BACH2: variants seen among roughly 807,000 people sequenced by gnomAD.
BACH2 encodes transcription regulator protein BACH2.
Under a neutral mutation model 61.8 loss-of-function variants are expected in BACH2, and 5 were observed. That is an observed-to-expected ratio of 0.08 (90% CI 0.04 to 0.17). BACH2 has a LOEUF of 0.17. Among genes scored for constraint, BACH2 ranks in the 10% least tolerant of loss-of-function variants. The pLI is 1.00. For synonymous variants in BACH2, 446 were observed against 440.1 expected (o/e 1.01, Z -0.17); for missense variants, 824 against 1,091.1 (o/e 0.76, Z 3.45).
At chr6:90,293,150 T>A (rs1010819045) in intron 1 of BACH2, among the ~76,000 whole-genome samples, 4 of 152,250 alleles carry the variant, frequency 2.6e-5, no homozygotes, top group Admixed American at 2.0e-4. Flanking sequence ...AGGGGGCCTA[T>A]GTAACTGCAC....
intron 5 of BACH2, among the ~76,000 whole-genome samples, chr6:90,052,076 A>C (rs1039370869): frequency 3.9e-5 from 6 of 152,192 alleles, no homozygotes; most frequent in African/African-American, 1.4e-4. Flanking sequence ...TGATTCTTGG[A>C]AATCTGTTGA....
intron 4 of BACH2, among the ~76,000 whole-genome samples, chr6:90,161,126 C>A (rs1785178005): frequency 6.7e-6 from 1 of 149,282 alleles, no homozygotes. Context: ...CTTAAAGAAG[C>A]CAAATCATTA....
At chr6:89,955,586 G>C (rs1774383534) in intron 6 of BACH2, among the ~76,000 whole-genome samples, 8 of 152,054 alleles carry the variant, frequency 5.3e-5, no homozygotes, top group Admixed American at 4.6e-4. Flanking sequence ...GTCTACTTTC[G>C]GCAGTGGTAA....
chr6:89,939,176 C>T (rs1380333732), intron 7 of BACH2, among the ~76,000 whole-genome samples: 7 of 152,138 alleles, frequency 4.6e-5, no homozygotes, highest in South Asian at 2.1e-4. Flanking sequence ...TGCCATGCCT[C>T]GAGGACATTC....
At chr6:89,984,752 G>T (rs1776146049) in intron 6 of BACH2, among the ~76,000 whole-genome samples, 1 of 152,108 alleles carries the variant, frequency 6.6e-6, no homozygotes, top group South Asian at 2.1e-4. Context: ...CCCACTGTTA[G>T]AATTGTAATA....
intron 3 of BACH2, among the ~76,000 whole-genome samples, chr6:90,244,762 A>C (rs1015683657): frequency 6.6e-6 from 1 of 152,154 alleles, no homozygotes; most frequent in African/African-American, 2.4e-5. Flanking sequence ...CCTCCCTAAA[A>C]GCTGCTTCTA....
intron 5 of BACH2, among the ~76,000 whole-genome samples, chr6:90,020,693 GA>G (rs1352249097): frequency 5.9e-5 from 9 of 151,962 alleles, no homozygotes; most frequent in African/African-American, 2.2e-4. Context: ...GTCTGCTTTT[GA>G]CTGGCCAATG....
chr6:90,119,351 T>C (rs1319314348), intron 4 of BACH2, among the ~76,000 whole-genome samples: 1 of 152,206 alleles, frequency 6.6e-6, no homozygotes, highest in African/African-American at 2.4e-5. Flanking sequence ...GAAGACTTAA[T>C]GAGGAACACA....
intron 3 of BACH2, among the ~76,000 whole-genome samples, chr6:90,207,450 A>AT (rs1232854610): frequency 2.0e-5 from 3 of 152,190 alleles, no homozygotes; most frequent in African/African-American, 7.2e-5. Flanking sequence ...AGGGGAAAAT[A>AT]TTTTAAAAAT....
intron 6 of BACH2, among the ~76,000 whole-genome samples, chr6:89,978,892 G>A (rs768493972): frequency 1.3e-5 from 2 of 152,156 alleles, no homozygotes; most frequent in African/African-American, 2.4e-5. Flanking sequence ...TGGCAGGCAA[G>A]TCCTCATGAA....
chr6:90,222,623 T>C (rs1215708875), intron 3 of BACH2, among the ~76,000 whole-genome samples: 2 of 152,218 alleles, frequency 1.3e-5, no homozygotes, highest in Non-Finnish European at 1.5e-5. Context: ...GAATGCAGTG[T>C]CACTTATGTA....
intron 3 of BACH2, among the ~76,000 whole-genome samples, chr6:90,209,058 T>TG (rs1319649958): frequency 1.6e-4 from 1 of 6,300 alleles, no homozygotes; most frequent in Admixed American, 1.9e-3. Flanking sequence ...TGTCGGGGGG[T>TG]GGGGGGCTGG....
chr6:90,278,713 T>G (rs1771768218), intron 1 of BACH2, among the ~76,000 whole-genome samples: 1 of 152,208 alleles, frequency 6.6e-6, no homozygotes, highest in South Asian at 2.1e-4. Context: ...AGGTGCAGAC[T>G]GGGATTTCTT....
chr6:90,079,999 A>G (rs1196304103), intron 5 of BACH2, among the ~76,000 whole-genome samples: 1 of 151,546 alleles, frequency 6.6e-6, no homozygotes, highest in African/African-American at 2.4e-5. Context: ...CTAAGTTGGT[A>G]TGTCAGTCAG....
chr6:89,969,531 A>T (rs1775242383), intron 6 of BACH2, among the ~76,000 whole-genome samples: 1 of 152,206 alleles, frequency 6.6e-6, no homozygotes, highest in Admixed American at 6.5e-5. Flanking sequence ...GGATGGGAGC[A>T]GGTGGGGGAC....
At chr6:90,058,944 C>T (rs935338855) in intron 5 of BACH2, among the ~76,000 whole-genome samples, 2 of 152,196 alleles carry the variant, frequency 1.3e-5, no homozygotes, top group Non-Finnish European at 2.9e-5. Flanking sequence ...AAACTGGATC[C>T]CTTCCTTACA....
At chr6:90,071,937 A>G (rs1306565819) in intron 5 of BACH2, among the ~76,000 whole-genome samples, 1 of 152,114 alleles carries the variant, frequency 6.6e-6, no homozygotes, top group Non-Finnish European at 1.5e-5. Context: ...CGGTATTCAC[A>G]TTGAGCAGAC....
chr6:90,197,118 G>T (rs1768787561), intron 4 of BACH2, among the ~76,000 whole-genome samples: 1 of 152,044 alleles, frequency 6.6e-6, no homozygotes, highest in South Asian at 2.1e-4. Flanking sequence ...AAAAGCACAA[G>T]ATTCTCTGAA....
intron 5 of BACH2, among the ~76,000 whole-genome samples, chr6:90,010,368 T>C (rs1777643873): frequency 6.6e-6 from 1 of 152,236 alleles, no homozygotes; most frequent in African/African-American, 2.4e-5. Context: ...TATTCTTTTA[T>C]ATCTGGCTTC....
Sources: allele counts gnomAD v4.1 joint callset (sites outside exome capture counted in the v4.1 genomes callset), GRCh38; gene constraint gnomAD v4.1.1; transcripts MANE v1.5; gene names NCBI Gene and HGNC (gene_info 2026-07-23, HGNC 2026-07-21).